The following FRY variants were observed in gnomAD, a reference collection of about 807,000 sequenced individuals.
The protein encoded by FRY is FRY microtubule binding protein.
FRY carries 128 observed loss-of-function variants against 348.4 expected under a neutral mutation model. The observed-to-expected ratio is 0.37, with a 90% confidence interval of 0.32 to 0.43. The LOEUF is 0.43. Among genes scored for constraint, FRY ranks in the 20% least tolerant of loss-of-function variants. FRY has a pLI of 1.00. For missense variants in FRY, 2,736 were observed against 3,695.2 expected (o/e 0.74, Z 6.73); for synonymous variants, 1,370 against 1,374.7 (o/e 1.00, Z 0.08).
chr13:32,267,998 G>GA (rs1443525736), intron 55 of FRY, among the ~76,000 whole-genome samples: 2 of 152,172 alleles, frequency 1.3e-5, no homozygotes, highest in Non-Finnish European at 2.9e-5. Context: ...AAACTGTAAT[G>GA]AATGTCCCTG....
In FRY at chr13:32,124,384, ATTAAT is replaced by A. The variant is rs1185739500; in HGVS notation, c.555+12_555+16del. The stretch of plus-strand genomic sequence containing the variant: ...ATAGAAGTTTTGAAACAGGTAGGTG[ATTAAT>A]TTATTGTTACTTTTAGATAATATTT... On this transcript the variant is annotated intron_variant, in intron 5 of 60. Coordinates refer to ENST00000542859, the MANE Select transcript of FRY (RefSeq NM_023037.3). 2 of 1,360,596 alleles carry A rather than the reference ATTAAT, an allele frequency of 1.5e-6. No homozygotes were observed. The highest frequency in any genetic ancestry group is 2.1e-6 in the Non-Finnish European group (2 of 951,646). The allele number at this position is 1,360,596 out of a possible 1,614,324, so 84.3% of individuals were successfully genotyped here. A position where few individuals can be genotyped will look rare whatever the true frequency, so the allele number is the denominator to read the frequency against.
chr13:32,244,534 C>T (rs994095821), intron 47 of FRY, among the ~76,000 whole-genome samples: 9 of 152,196 alleles, frequency 5.9e-5, no homozygotes, highest in African/African-American at 1.9e-4. Context: ...ACTGTAGGAA[C>T]TTTCACATGT....
At chr13:32,168,087 A>G (rs1212155100) in intron 17 of FRY, among the ~76,000 whole-genome samples, 1 of 152,224 alleles carries the variant, frequency 6.6e-6, no homozygotes, top group Non-Finnish European at 1.5e-5. Flanking sequence ...TCATGTAGTT[A>G]TGGAGACTGG....
At chr13:32,242,874 T>C (rs566678612) in intron 46 of FRY, among the ~76,000 whole-genome samples, 1 of 152,364 alleles carries the variant, frequency 6.6e-6, no homozygotes, top group Non-Finnish European at 1.5e-5. Flanking sequence ...TATTGTGTAA[T>C]TTCAACATTT....
intron 4 of FRY, among the ~76,000 whole-genome samples, chr13:32,119,270 T>C (rs989191816): frequency 8.5e-5 from 13 of 152,134 alleles, no homozygotes; most frequent in African/African-American, 2.4e-4. Context: ...GGGGGGACTT[T>C]AAGGAGGAGC....
Position 32,254,409 on chromosome 13 carries a change from C to T in FRY, c.7416+15C>T. 6.2e-7 allele frequency: 1 copy of T among 1,609,736 alleles called. No homozygotes were observed. The highest frequency in any genetic ancestry group is 8.5e-7 in the Non-Finnish European group (1 of 1,175,970). ...AGGATGGAGAGGTACGGTGTATTCT[C>T]TGTAAAAATAATCCCCGCACCCTTT... is the stretch of plus-strand genomic sequence containing the variant. On this transcript the variant is annotated intron_variant, in intron 51 of 60. Coordinates refer to ENST00000542859, the MANE Select transcript of FRY (RefSeq NM_023037.3).
chr13:32,274,441 C>T lies in FRY; in HGVS notation c.8137-401C>T, dbSNP rs576732478. ...AAAAAATCAGGGCCAGACGCAGTGG[C>T]TCACACCTGTAATCCCAGCACTTTG... is the stretch of plus-strand genomic sequence containing the variant. On this transcript the variant is annotated intron_variant, in intron 55 of 60. Coordinates refer to ENST00000542859, the MANE Select transcript of FRY (RefSeq NM_023037.3). Among the ~76,000 whole-genome samples the T allele has an allele frequency of 5.9e-5, 9 of 152,246 alleles. No homozygotes were observed. The East Asian group carries it at 9.7e-4, about 16-fold the overall frequency.
rs1882212185 is a variant in FRY, at chr13:32,173,562, C to G, written c.2334+13C>G. 1 of 1,599,522 alleles carries G rather than the reference C, an allele frequency of 6.3e-7. No individual in the cohort carries two copies. The highest frequency in any genetic ancestry group is 1.1e-5 in the South Asian group (1 of 90,762). The stretch of plus-strand genomic sequence containing the variant: ...GGGGCAGCCTGAGGTATGGATTAGT[C>G]TTCTGAATTTTTCCATTTCTTACTT... On this transcript the variant is annotated intron_variant, in intron 19 of 60. Coordinates refer to ENST00000542859, the MANE Select transcript of FRY (RefSeq NM_023037.3).
Position 32,209,716 on chromosome 13 carries a change from AG to A in FRY, c.4408del (p.Val1470PhefsTer35), listed in dbSNP as rs774349498. On this transcript the variant is annotated frameshift_variant, in exon 33 of 61. Transcript: ENST00000542859. LOFTEE classifies it high-confidence loss of function. Reference sequence around the variant, plus strand: ...GCCTCTGTGGGGTCAGCAGCGACACAGTTCTCCTACCCTATGTAAGTGTCTC... The same window carrying A: ...GCCTCTGTGGGGTCAGCAGCGACACATTCTCCTACCCTATGTAAGTGTCTC... ...ISLCGVSSDT[V>X]LLPYIKKVAI... 6.2e-7 allele frequency: 1 copy of A among 1,614,148 alleles called. No individual in the cohort carries two copies. The highest frequency in any genetic ancestry group is 1.1e-5 in the South Asian group (1 of 91,088).
intron 49 of FRY, among the ~76,000 whole-genome samples, chr13:32,251,006 C>T (rs1887050613): frequency 6.6e-6 from 1 of 152,126 alleles, no homozygotes; most frequent in Admixed American, 6.5e-5. Flanking sequence ...AGTGTCTGTC[C>T]CCTCTATAAT....
At position 32,218,640 on chromosome 13, in the gene FRY, C is replaced by T. The variant is rs568792604; in HGVS notation, c.4683-109C>T. 4,335 of 666,054 alleles carry T rather than the reference C, an allele frequency of 6.5e-3. 24 individuals carry two copies. Among genetic ancestry groups the T allele is most frequent in the Non-Finnish European group, 9.4e-3 (3,532 of 377,138 alleles). 41.3% of individuals were successfully genotyped at this position (666,054 alleles called of 1,614,324 possible). Reference sequence around the variant, plus strand: ...ATTGCAGTGAGCCAAGATCGCACCACGGTAGTGCAGCCTGGTGACAGAGTG... The same window carrying T: ...ATTGCAGTGAGCCAAGATCGCACCATGGTAGTGCAGCCTGGTGACAGAGTG... On this transcript the variant is annotated intron_variant, in intron 35 of 60. Transcript: ENST00000542859.
intron 56 of FRY, 40 bp downstream of exon 56, chr13:32,275,031 G>A (rs375034952): frequency 1.2e-5 from 18 of 1,561,686 alleles, no homozygotes; most frequent in Admixed American, 1.7e-5. Context: ...AAGGGCCTAC[G>A]CAACCTACAG....
chr13:32,092,047 C>CA (rs1276450286), intron 2 of FRY, among the ~76,000 whole-genome samples: 1 of 152,232 alleles, frequency 6.6e-6, no homozygotes, highest in African/African-American at 2.4e-5. Flanking sequence ...GGGTTAAACA[C>CA]ATTCATTGAA....
chr13:32,061,030 TTA>T, intron 1 of FRY: 1 of 507,214 alleles, frequency 2.0e-6, no homozygotes. Flanking sequence ...GAGCCCATCA[TTA>T]TGTGTTTTGG....
At chr13:32,234,799 G>A (rs761786585) in intron 42 of FRY, 38 bp downstream of exon 42, 9 of 1,526,270 alleles carry the variant, frequency 5.9e-6, no homozygotes, top group African/African-American at 1.4e-5. Flanking sequence ...TGAAGGATGA[G>A]CTCTCTCATC....
chr13:32,149,260 A>G (rs1442997335), intron 13 of FRY, among the ~76,000 whole-genome samples: 1 of 151,312 alleles, frequency 6.6e-6, no homozygotes, highest in Non-Finnish European at 1.5e-5. Flanking sequence ...TAACCTTAAT[A>G]TATCTTATGT....
chr13:32,176,995 T>C (rs1241093120), intron 20 of FRY, among the ~76,000 whole-genome samples: 7 of 152,182 alleles, frequency 4.6e-5, no homozygotes, highest in Non-Finnish European at 8.8e-5. Flanking sequence ...TCAGGCTCTG[T>C]AGCTCCAGCT....
intron 2 of FRY, among the ~76,000 whole-genome samples, chr13:32,097,826 C>T (rs1428831918): frequency 6.6e-6 from 1 of 151,902 alleles, no homozygotes. Flanking sequence ...AAGGAATCTT[C>T]ATAAAATAGA....
chr13:32,137,428 A>G (rs1008050010), intron 11 of FRY, among the ~76,000 whole-genome samples: 1 of 152,218 alleles, frequency 6.6e-6, no homozygotes, highest in Admixed American at 6.5e-5. Flanking sequence ...TTTTGCTCAG[A>G]TAGCTCCAGT....
Sources: gnomAD v4.1 joint callset for allele counts (sites outside exome capture counted in the v4.1 genomes callset) on GRCh38, gnomAD v4.1.1 for gene constraint, MANE v1.5 for transcripts, NCBI Gene and HGNC (gene_info 2026-07-23, HGNC 2026-07-21) for gene names.